The following WDR70 variants were observed in gnomAD, a reference collection of about 807,000 sequenced individuals.
The protein encoded by WDR70 is WD repeat domain 70, also known as WD repeat-containing protein 70.
A neutral mutation model predicts 88.6 loss-of-function variants in WDR70; 53 were observed. That is an observed-to-expected ratio of 0.60 (90% CI 0.48 to 0.75). WDR70 has a LOEUF of 0.75. WDR70 is among the 30% of genes least tolerant of loss of function. The pLI is 0.00. For missense variants in WDR70, 610 were observed against 823.2 expected (o/e 0.74, Z 3.17); for synonymous variants, 280 against 270.0 (o/e 1.04, Z -0.36).
rs145889961 is a variant in WDR70 at position 37,701,307 on chromosome 5, C to T, written c.1277+165C>T. ...AAAAATATGTATTTTTTTTATTTTT[C>T]ACATTCCTCAGACTTCAAGAACTTT... On this transcript the variant is annotated intron_variant, in intron 12 of 17. Coordinates refer to ENST00000265107, the MANE Select transcript of WDR70 (RefSeq NM_018034.4). 5.9e-5 allele frequency among the ~76,000 whole-genome samples: 9 copies of T among 152,010 alleles called. No homozygotes were observed. The East Asian group carries it at 7.7e-4, about 13-fold the overall frequency.
At chr5:37,709,274 G>C (rs957484116) in intron 13 of WDR70, among the ~76,000 whole-genome samples, 8 of 152,294 alleles carry the variant, frequency 5.3e-5, no homozygotes, top group Middle Eastern at 3.4e-3. Flanking sequence ...GTTGACTAGG[G>C]AATAGCATTT....
At chr5:37,419,677 C>T (rs566762274) in intron 5 of WDR70, among the ~76,000 whole-genome samples, 11 of 151,518 alleles carry the variant, frequency 7.3e-5, no homozygotes, top group Admixed American at 4.6e-4. Context: ...TAACCGGGTG[C>T]GGTGGCAGGT....
At chr5:37,524,527 A>G (rs1741198709) in intron 9 of WDR70, among the ~76,000 whole-genome samples, 1 of 152,238 alleles carries the variant, frequency 6.6e-6, no homozygotes, top group Non-Finnish European at 1.5e-5. Flanking sequence ...TGCAAAAAAA[A>G]TGCCAAATTG....
At chr5:37,423,336 A>G (rs1750005836) in intron 5 of WDR70, among the ~76,000 whole-genome samples, 1 of 150,878 alleles carries the variant, frequency 6.6e-6, no homozygotes, top group Non-Finnish European at 1.5e-5. Flanking sequence ...TGGAGTGTTC[A>G]TGGCCAGTAT....
intron 9 of WDR70, among the ~76,000 whole-genome samples, chr5:37,573,366 C>T (rs978784385): frequency 2.0e-5 from 3 of 152,254 alleles, no homozygotes; most frequent in South Asian, 2.1e-4. Context: ...CGAATTCTCC[C>T]TCAGTTACTG....
rs920904256 is a variant in WDR70, at chr5:37,605,012, C to T, written c.918-52C>T. The T allele has an allele frequency of 1.4e-5, 20 of 1,451,558 alleles. No individual in the cohort carries two copies. In the African/African-American group the frequency reaches 3.0e-4, roughly 22 times the overall value. The allele number at this position is 1,451,558 out of a possible 1,614,324, so 89.9% of individuals were successfully genotyped here. A position where few individuals can be genotyped will look rare whatever the true frequency, so the allele number is the denominator to read the frequency against. ...GGACTCTTCCCTATTTTAACCTCCC[C>T]CCTCCTTCTTTTTTTTTTTAAATAA... On this transcript the variant is annotated intron_variant, in intron 9 of 17. Coordinates refer to ENST00000265107, the MANE Select transcript of WDR70 (RefSeq NM_018034.4).
intron 10 of WDR70, among the ~76,000 whole-genome samples, chr5:37,694,696 G>A (rs1000019951): frequency 2.0e-5 from 3 of 151,896 alleles, no homozygotes; most frequent in African/African-American, 4.8e-5. Context: ...GGGCCTGTTG[G>A]GGGGTGTGGG....
chr5:37,637,340 TA>T lies in WDR70; in HGVS notation c.1092+32105del, dbSNP rs1744999492. On this transcript the variant is annotated intron_variant, in intron 10 of 17. Transcript: ENST00000265107. Reference sequence around the variant, plus strand: ...ACTCTGTCTCAAAAAATAAATAAATTAAATAAATAAATAAATAAATAAATAA... The same window carrying T: ...ACTCTGTCTCAAAAAATAAATAAATTAATAAATAAATAAATAAATAAATAA... Among the ~76,000 whole-genome samples, 3 of 26,418 alleles carry T rather than the reference TA, an allele frequency of 1.1e-4. No homozygotes were observed. In the African/African-American group the frequency reaches 1.3e-3, roughly 11 times the overall value. 17.3% of individuals were successfully genotyped at this position (26,418 alleles called of 152,430 possible).
chr5:37,747,759 C>T (rs1748675375), intron 17 of WDR70, among the ~76,000 whole-genome samples: 1 of 152,196 alleles, frequency 6.6e-6, no homozygotes, highest in African/African-American at 2.4e-5. Flanking sequence ...AACCTAAAAA[C>T]TTCTTGAACT....
intron 8 of WDR70, among the ~76,000 whole-genome samples, chr5:37,509,641 C>T (rs950758724): frequency 6.6e-6 from 1 of 152,148 alleles, no homozygotes; most frequent in African/African-American, 2.4e-5. Flanking sequence ...AATGTGTACT[C>T]ACTTGTCAAC....
intron 10 of WDR70, among the ~76,000 whole-genome samples, chr5:37,683,202 C>T (rs935380967): frequency 5.3e-5 from 8 of 152,074 alleles, no homozygotes; most frequent in African/African-American, 1.9e-4. Flanking sequence ...GATTTTTCTC[C>T]ATCCCTTTAT....
At chr5:37,659,746 A>G (rs1745653657) in intron 10 of WDR70, among the ~76,000 whole-genome samples, 1 of 152,076 alleles carries the variant, frequency 6.6e-6, no homozygotes, top group Non-Finnish European at 1.5e-5. Flanking sequence ...ACTGAAAGAG[A>G]TGGAGTGGAG....
At chr5:37,446,466 G>A (rs1738480993) in intron 7 of WDR70, among the ~76,000 whole-genome samples, 1 of 151,884 alleles carries the variant, frequency 6.6e-6, no homozygotes, top group African/African-American at 2.4e-5. Flanking sequence ...AACCAAAAAA[G>A]AGCCCGCATC....
intron 5 of WDR70, among the ~76,000 whole-genome samples, chr5:37,417,405 T>C (rs1420799889): frequency 6.6e-6 from 1 of 151,998 alleles, no homozygotes; most frequent in Non-Finnish European, 1.5e-5. Flanking sequence ...TTCTGTGTTT[T>C]CTAGAGATGG....
chr5:37,604,056 A>G (rs1043956792), intron 9 of WDR70, among the ~76,000 whole-genome samples: 1 of 152,174 alleles, frequency 6.6e-6, no homozygotes, highest in Non-Finnish European at 1.5e-5. Flanking sequence ...AGATCTAAAC[A>G]TTTTTTAAAA....
At chr5:37,738,733 A>G (rs895811929) in intron 17 of WDR70, among the ~76,000 whole-genome samples, 4 of 152,176 alleles carry the variant, frequency 2.6e-5, no homozygotes, top group African/African-American at 9.6e-5. Flanking sequence ...TCTGTAGCAT[A>G]CAGTTGCTGG....
chr5:37,614,780 T>C (rs1744284574), intron 10 of WDR70, among the ~76,000 whole-genome samples: 1 of 152,178 alleles, frequency 6.6e-6, no homozygotes, highest in Non-Finnish European at 1.5e-5. Context: ...GGCTTTTCTC[T>C]TCGATATTAA....
At chr5:37,722,702 A>G in intron 14 of WDR70, 153 bp from the exon 15 acceptor site, 1 of 649,414 alleles carries the variant, frequency 1.5e-6, no homozygotes, top group Non-Finnish European at 2.7e-6. Context: ...TATCACTGAG[A>G]GCCCATCTGT....
chr5:37,509,149 A>G (rs1315715150), intron 8 of WDR70, among the ~76,000 whole-genome samples: 1 of 151,886 alleles, frequency 6.6e-6, no homozygotes, highest in Non-Finnish European at 1.5e-5. Flanking sequence ...AAGTTTATCA[A>G]CTTTATTGAT....
Sources: allele counts gnomAD v4.1 joint callset (sites outside exome capture counted in the v4.1 genomes callset), GRCh38; gene constraint gnomAD v4.1.1; transcripts MANE v1.5; gene names NCBI Gene and HGNC (gene_info 2026-07-23, HGNC 2026-07-21).